CCDC146: variants seen among roughly 807,000 people sequenced by gnomAD.
The protein encoded by CCDC146 is coiled-coil domain-containing protein 146.
CCDC146 carries 92 observed loss-of-function variants against 119.3 expected under a neutral mutation model. The observed-to-expected ratio is 0.77, with a 90% CI of 0.65 to 0.92. CCDC146 has a LOEUF of 0.92. CCDC146 is among the 40% of genes least tolerant of loss of function. CCDC146 has a pLI of 0.00. For missense variants in CCDC146, 1,000 were observed against 1,103.0 expected (o/e 0.91, Z 1.32); for synonymous variants, 372 against 371.8 (o/e 1.00, Z -0.01).
chr7:77,176,907 C>T (rs566316096), intron 2 of CCDC146, among the ~76,000 whole-genome samples: 2 of 152,238 alleles, frequency 1.3e-5, no homozygotes, highest in East Asian at 3.9e-4. Context: ...ACAATCTCAG[C>T]TCACTGCAAC....
intron 2 of CCDC146, among the ~76,000 whole-genome samples, chr7:77,211,609 T>TTA (rs1554352539): frequency 0.023 from 3,549 of 151,766 alleles, 123 homozygotes; most frequent in East Asian, 0.13. Flanking sequence ...TTTTTTTTAT[T>TTA]TTTATTTATT....
rs187675593 is a variant in CCDC146, at chr7:77,249,213, C to G, written c.450-5293C>G. 4.6e-3 allele frequency among the ~76,000 whole-genome samples: 702 copies of G among 152,178 alleles called. 6 individuals are homozygous for G. Among genetic ancestry groups the G allele is most frequent in the South Asian group, 4.8e-3 (23 of 4,824 alleles). On this transcript the variant is annotated intron_variant, in intron 4 of 18. Coordinates refer to ENST00000285871, the MANE Select transcript of CCDC146 (RefSeq NM_020879.3). ...GCAAATATATTAAGAATCCACTGGC[C>G]GGGCGCTGTGGCTGTCACCTGTAAT...
intron 2 of CCDC146, chr7:77,199,566 C>T: frequency 6.2e-7 from 1 of 1,614,170 alleles, no homozygotes; most frequent in Non-Finnish European, 8.5e-7. Context: ...TGAACACCTC[C>T]TCGATCCTGC....
intron 17 of CCDC146, among the ~76,000 whole-genome samples, chr7:77,292,044 C>G (rs1425609660): frequency 3.9e-5 from 6 of 152,130 alleles, no homozygotes; most frequent in African/African-American, 1.4e-4. Flanking sequence ...GCCTGTAATC[C>G]CAGCACTTTG....
chr7:77,271,742 A>G (rs1207585413), intron 9 of CCDC146, among the ~76,000 whole-genome samples: 1 of 151,688 alleles, frequency 6.6e-6, no homozygotes, highest in African/African-American at 2.4e-5. Flanking sequence ...CAGAGAATTT[A>G]AAATGGTATC....
intron 1 of CCDC146, among the ~76,000 whole-genome samples, chr7:77,130,824 C>G (rs1305395483): frequency 1.3e-5 from 2 of 150,852 alleles, no homozygotes; most frequent in Non-Finnish European, 2.9e-5. Context: ...GTCTCGATCT[C>G]CTGACCTCGT....
intron 2 of CCDC146, among the ~76,000 whole-genome samples, chr7:77,221,590 A>G (rs1425287311): frequency 6.6e-6 from 1 of 152,178 alleles, no homozygotes; most frequent in African/African-American, 2.4e-5. Context: ...ATACATAGCC[A>G]TAGAGTCTTC....
intron 1 of CCDC146, among the ~76,000 whole-genome samples, chr7:77,149,598 T>G (rs902815835): frequency 3.3e-5 from 5 of 151,852 alleles, no homozygotes; most frequent in Non-Finnish European, 7.4e-5. Context: ...AAACCCCATC[T>G]CTACTAAAAA....
chr7:77,261,234 C>T (rs60424406), intron 8 of CCDC146, among the ~76,000 whole-genome samples: 11,077 of 152,156 alleles, frequency 0.073, 661 homozygotes, highest in African/African-American at 0.16. Context: ...AGTATTAAGC[C>T]TAGTACCTAT....
chr7:77,170,938 G>C (rs1467117507), intron 2 of CCDC146, among the ~76,000 whole-genome samples: 1 of 152,156 alleles, frequency 6.6e-6, no homozygotes, highest in Non-Finnish European at 1.5e-5. Flanking sequence ...AAGGTGTGGA[G>C]AAAAAGAAAT....
chr7:77,184,963 G>T (rs1448487407), intron 2 of CCDC146, among the ~76,000 whole-genome samples: 1 of 152,128 alleles, frequency 6.6e-6, no homozygotes, highest in Non-Finnish European at 1.5e-5. Context: ...GGATGAGACT[G>T]AGGTTTACTA....
intron 2 of CCDC146, among the ~76,000 whole-genome samples, chr7:77,181,007 T>C (rs1010890363): frequency 6.6e-6 from 1 of 152,216 alleles, no homozygotes; most frequent in African/African-American, 2.4e-5. Context: ...CCATTTAAAG[T>C]TTATATGAAT....
chr7:77,181,993 A>G (rs1429309505), intron 2 of CCDC146, among the ~76,000 whole-genome samples: 2 of 152,186 alleles, frequency 1.3e-5, no homozygotes, highest in Non-Finnish European at 2.9e-5. Context: ...AGATATAAGC[A>G]ACAAGGTTAG....
chr7:77,127,694 C>T (rs2908597), intron 1 of CCDC146, among the ~76,000 whole-genome samples: 2,549 of 152,100 alleles, frequency 0.017, 89 homozygotes, highest in African/African-American at 0.058. Context: ...GAAGTCAATA[C>T]GCTTTCTTTG....
chr7:77,293,008 T>G lies in CCDC146; in HGVS notation c.2472T>G (p.Val824=). 1 of 1,614,158 alleles carries G rather than the reference T, an allele frequency of 6.2e-7. No individual in the cohort carries two copies. The highest frequency in any genetic ancestry group is 8.5e-7 in the Non-Finnish European group (1 of 1,180,006). Residue 824 remains valine (V), a synonymous_variant, in exon 18 of 19, where the codon GTT becomes GTG. Transcript: ENST00000285871. ...KNATEKMMAL[V]AELSMKQALT... The stretch of plus-strand genomic sequence containing the variant: ...CAACTGAGAAAATGATGGCTCTTGT[T>G]GCTGAGCTGTCCATGAAACAAGCCC...
intron 1 of CCDC146, among the ~76,000 whole-genome samples, chr7:77,138,663 A>G (rs1790892946): frequency 6.6e-6 from 1 of 152,200 alleles, no homozygotes; most frequent in Non-Finnish European, 1.5e-5. Context: ...AATACAAAGA[A>G]CTCTTAAAAT....
At chr7:77,177,528 G>A (rs886750406) in intron 2 of CCDC146, among the ~76,000 whole-genome samples, 6 of 152,238 alleles carry the variant, frequency 3.9e-5, no homozygotes, top group Non-Finnish European at 8.8e-5. Flanking sequence ...GCTTCAGCGC[G>A]CATTTCACTT....
chr7:77,215,754 A>G (rs1584080526), intron 2 of CCDC146, among the ~76,000 whole-genome samples: 3 of 148,576 alleles, frequency 2.0e-5, no homozygotes, highest in East Asian at 3.9e-4. Flanking sequence ...TAACTGTTTC[A>G]GAATAACACT....
chr7:77,224,722 T>C (rs571616986), intron 2 of CCDC146, among the ~76,000 whole-genome samples: 13 of 152,258 alleles, frequency 8.5e-5, no homozygotes, highest in South Asian at 2.1e-4. Context: ...TTGTACACCA[T>C]GTTGAGGAGC....
Sources: allele counts gnomAD v4.1 joint callset (sites outside exome capture counted in the v4.1 genomes callset), GRCh38; gene constraint gnomAD v4.1.1; transcripts MANE v1.5; gene names NCBI Gene and HGNC (gene_info 2026-07-23, HGNC 2026-07-21).